FAM168A: variants seen among roughly 807,000 people sequenced by gnomAD.
FAM168A encodes family with sequence similarity 168 member A.
A neutral mutation model predicts 28.5 loss-of-function variants in FAM168A; 3 were observed. The ratio of observed to expected loss-of-function variants is 0.11; its 90% CI spans 0.05 to 0.27. The LOEUF (loss-of-function observed/expected upper bound fraction) is 0.27, where lower values mean the gene tolerates loss of function less well. FAM168A is among the 10% of genes least tolerant of loss of function. The pLI is 1.00. For synonymous variants in FAM168A, 122 were observed against 124.2 expected, an observed-to-expected ratio of 0.98 and a Z score of 0.12; for missense variants, 222 against 311.5, an observed-to-expected ratio of 0.71 and a Z score of 2.16.
At chr11:73,573,148 C>T (rs911071515) in intron 1 of FAM168A, among the ~76,000 whole-genome samples, 1 of 152,116 alleles carries the variant, frequency 6.6e-6, no homozygotes, top group Admixed American at 6.5e-5. Flanking sequence ...AATCGCAAGA[C>T]GCACTTGGAA....
At chr11:73,576,485 T>C (rs559595201) in intron 1 of FAM168A, among the ~76,000 whole-genome samples, 4 of 152,214 alleles carry the variant, frequency 2.6e-5, no homozygotes, top group Admixed American at 6.5e-5. Flanking sequence ...CATTGTTTCA[T>C]CTACTGCAGC....
At chr11:73,472,463 T>C (rs556933795) in intron 1 of FAM168A, among the ~76,000 whole-genome samples, 1 of 152,338 alleles carries the variant, frequency 6.6e-6, no homozygotes, top group Non-Finnish European at 1.5e-5. Context: ...GGCCAAATCA[T>C]GCAGGGCCTC....
intron 2 of FAM168A, among the ~76,000 whole-genome samples, chr11:73,466,159 T>C (rs1231298555): frequency 6.6e-6 from 1 of 152,182 alleles, no homozygotes; most frequent in East Asian, 1.9e-4. Context: ...GACAGTACAA[T>C]GGACTTGACC....
At chr11:73,509,466 G>A (rs919008143) in intron 1 of FAM168A, among the ~76,000 whole-genome samples, 3 of 152,086 alleles carry the variant, frequency 2.0e-5, no homozygotes, top group South Asian at 2.1e-4. Context: ...TCAGAAAAAT[G>A]GGAAATTATG....
intron 2 of FAM168A, among the ~76,000 whole-genome samples, chr11:73,447,386 C>G (rs551610232): frequency 2.7e-5 from 4 of 150,220 alleles, no homozygotes; most frequent in Admixed American, 2.0e-4. Context: ...TCATCTCTAC[C>G]AAAAATTAAA....
chr11:73,567,203 G>C lies in FAM168A; in HGVS notation c.-19+30720C>G, dbSNP rs572383201. ...AGATTCGAGAAATGTTAAGGTGATAGTATCTATACAACTTAGTGACTGAAG... is the reference window on the plus strand; with the variant it reads ...AGATTCGAGAAATGTTAAGGTGATACTATCTATACAACTTAGTGACTGAAG... On this transcript the variant is annotated intron_variant, in intron 1 of 7. Coordinates refer to ENST00000356467, the MANE Select transcript of FAM168A (RefSeq NM_015159.3). 2.0e-5 allele frequency among the ~76,000 whole-genome samples: 3 copies of C among 152,286 alleles called. No individual in the cohort carries two copies. In the East Asian group the frequency reaches 5.8e-4, roughly 29 times the overall value.
chr11:73,441,053 TCAGA>T (rs1867184437), intron 2 of FAM168A, among the ~76,000 whole-genome samples: 1 of 146,740 alleles, frequency 6.8e-6, no homozygotes, highest in Non-Finnish European at 1.5e-5. Context: ...TTCATACCTA[TCAGA>T]CAGACTTTTT....
chr11:73,431,167 C>G (rs897430039), intron 2 of FAM168A, among the ~76,000 whole-genome samples: 9 of 152,080 alleles, frequency 5.9e-5, no homozygotes, highest in Admixed American at 2.0e-4. Flanking sequence ...GATGGTGAAA[C>G]CCCGTCTCTA....
chr11:73,556,180 AC>A (rs1184774560), intron 1 of FAM168A, among the ~76,000 whole-genome samples: 4 of 151,330 alleles, frequency 2.6e-5, no homozygotes, highest in Non-Finnish European at 4.4e-5. Flanking sequence ...CCCTGGTTCT[AC>A]CAAAAAAAAT....
In FAM168A at chr11:73,568,582, G is replaced by A. The variant is rs116966379; in HGVS notation, c.-19+29341C>T. Among the ~76,000 whole-genome samples the A allele has an allele frequency of 2.6e-3, 391 of 152,284 alleles. 1 individual carries two copies. Among genetic ancestry groups the A allele is most frequent in the Non-Finnish European group, 5.0e-3 (340 of 68,020 alleles). ...GAAGTATAATGGCTTCTTCTCAAGG[G>A]TCAGGAAGAAGGCTATTAAGAACTA... On this transcript the variant is annotated intron_variant, in intron 1 of 7. Coordinates refer to ENST00000356467, the MANE Select transcript of FAM168A (RefSeq NM_015159.3).
At chr11:73,432,834 G>A (rs1232367777) in intron 2 of FAM168A, among the ~76,000 whole-genome samples, 2 of 152,132 alleles carry the variant, frequency 1.3e-5, no homozygotes, top group Admixed American at 6.5e-5. Flanking sequence ...AGTGAGCCGA[G>A]ATGACGCCAC....
chr11:73,492,559 T>C (rs1308229935), intron 1 of FAM168A, among the ~76,000 whole-genome samples: 1 of 152,162 alleles, frequency 6.6e-6, no homozygotes, highest in Admixed American at 6.5e-5. Context: ...GGAGGATTGC[T>C]TAAGCCTGGA....
chr11:73,551,144 G>A (rs1943824758), intron 1 of FAM168A, among the ~76,000 whole-genome samples: 1 of 151,566 alleles, frequency 6.6e-6, no homozygotes, highest in Admixed American at 6.6e-5. Flanking sequence ...TTGGGCTAAT[G>A]AGGCAAGCAG....
chr11:73,482,769 C>T (rs55727935), intron 1 of FAM168A, among the ~76,000 whole-genome samples: 5 of 151,980 alleles, frequency 3.3e-5, no homozygotes, highest in Non-Finnish European at 7.4e-5. Flanking sequence ...GACAGAGTCT[C>T]GCTCTGTCAC....
intron 1 of FAM168A, among the ~76,000 whole-genome samples, chr11:73,561,324 G>A (rs929960611): frequency 1.3e-5 from 2 of 151,828 alleles, no homozygotes; most frequent in Admixed American, 6.6e-5. Flanking sequence ...GCAGTGAGCC[G>A]AGATCACGCA....
chr11:73,569,861 C>T (rs7119049), intron 1 of FAM168A, among the ~76,000 whole-genome samples: 33 of 110,022 alleles, frequency 3.0e-4, no homozygotes, highest in African/African-American at 1.5e-3. Flanking sequence ...AATAAATAAA[C>T]AAAATAGATG....
rs369015742 is a variant in FAM168A at position 73,594,525 on chromosome 11, GGTTTTTTGTTT to G, written c.-19+3387_-19+3397del. On this transcript the variant is annotated intron_variant, in intron 1 of 7. Coordinates refer to ENST00000356467, the MANE Select transcript of FAM168A (RefSeq NM_015159.3). ...GCAGCCATTACCACTAAATATGAAA[GGTTTTTTGTTT>G]GTTTTTTGTTTGTTTGTTTTGAGAC... Among the ~76,000 whole-genome samples the G allele has an allele frequency of 9.7e-3, 1,478 of 152,098 alleles. 28 individuals carry two copies. Among genetic ancestry groups the G allele is most frequent in the African/African-American group, 0.033 (1,370 of 41,476 alleles).
intron 1 of FAM168A, among the ~76,000 whole-genome samples, chr11:73,489,453 T>C (rs1024277703): frequency 2.0e-5 from 3 of 151,954 alleles, no homozygotes; most frequent in Non-Finnish European, 4.4e-5. Flanking sequence ...TTACTTGACA[T>C]GTCAGCAGCA....
chr11:73,435,747 A>G (rs76570961), intron 2 of FAM168A, among the ~76,000 whole-genome samples: 5 of 152,292 alleles, frequency 3.3e-5, no homozygotes, highest in African/African-American at 1.2e-4. Flanking sequence ...CAGGATCTCT[A>G]CAGTCTTGTG....
Sources: gnomAD v4.1 joint callset for allele counts (sites outside exome capture counted in the v4.1 genomes callset) on GRCh38, gnomAD v4.1.1 for gene constraint, MANE v1.5 for transcripts, NCBI Gene and HGNC (gene_info 2026-07-23, HGNC 2026-07-21) for gene names.